The following HOXB3 variants were observed in gnomAD, a reference collection of about 807,000 sequenced individuals.
The protein encoded by HOXB3 is homeobox B3, also known as homeobox protein Hox-B3.
A neutral mutation model predicts 29.2 loss-of-function variants in HOXB3; 17 were observed. The ratio of observed to expected loss-of-function variants is 0.58; its 90% confidence interval spans 0.40 to 0.87. The LOEUF (loss-of-function observed/expected upper bound fraction) is 0.87, where lower values mean the gene tolerates loss of function less well. Ranked by LOEUF, HOXB3 falls within the 40% of genes least tolerant of loss-of-function variation. HOXB3 has a pLI of 0.00. For synonymous variants in HOXB3, 317 were observed against 285.9 expected (o/e 1.11, Z -1.10); for missense variants, 637 against 616.3 (o/e 1.03, Z -0.35).
intron 2 of HOXB3, among the ~76,000 whole-genome samples, chr17:48,567,543 C>CTCT (rs1198225964): frequency 2.6e-5 from 4 of 152,150 alleles, no homozygotes; most frequent in African/African-American, 7.2e-5. Flanking sequence ...TGCTCTTGAC[C>CTCT]AGCAGCCTCT....
chr17:48,575,152 C>T (rs996699333), intron 1 of HOXB3: 12 of 152,226 alleles, frequency 7.9e-5, no homozygotes, highest in African/African-American at 2.2e-4. Flanking sequence ...ATTTTATTTG[C>T]TTATGACAAA....
At chr17:48,553,235 C>T (rs1340756429) in intron 3 of HOXB3, 1 of 152,410 alleles carries the variant, frequency 6.6e-6, no homozygotes, top group Admixed American at 6.5e-5. Context: ...TAGAAACTTC[C>T]TGATGATTTT....
intron 3 of HOXB3, 162 bp downstream of exon 3, chr17:48,555,351 AGAGAGAGAGAGAGGGAGG>A (rs1301307667): frequency 2.9e-5 from 14 of 488,146 alleles, no homozygotes; most frequent in African/African-American, 1.1e-4. Context: ...AGAGAGAGAG[AGAGAGAGAGAGAGGGAGG>A]GAGGGAGGGA....
chr17:48,574,031 A>C lies in HOXB3; in HGVS notation c.-424-17T>G. The C allele has an allele frequency of 3.3e-6, 2 of 612,386 alleles. No homozygotes were observed. Among genetic ancestry groups the C allele is most frequent in the East Asian group, 2.8e-5 (1 of 36,112 alleles). 37.9% of individuals were successfully genotyped at this position (612,386 alleles called of 1,614,324 possible). A position where few individuals can be genotyped will look rare whatever the true frequency, so the allele number is the denominator to read the frequency against. Reference sequence around the variant, plus strand: ...GGAGATTTGCTGTTGAATAATAACAAAGGAGAGAGGATACGTATTTAAAGA... The same window carrying C: ...GGAGATTTGCTGTTGAATAATAACACAGGAGAGAGGATACGTATTTAAAGA... On this transcript the variant is annotated splice_polypyrimidine_tract_variant and intron_variant, in intron 1 of 4. Transcript: ENST00000498678.
chr17:48,564,521 A>G (rs1386799922), intron 2 of HOXB3, among the ~76,000 whole-genome samples: 1 of 152,108 alleles, frequency 6.6e-6, no homozygotes, highest in Non-Finnish European at 1.5e-5. Flanking sequence ...CAGTTTCCTG[A>G]GAAGCTCCCA....
intron 4 of HOXB3, 67 bp downstream of exon 4, chr17:48,551,960 G>A: frequency 2.7e-6 from 4 of 1,458,244 alleles, no homozygotes; most frequent in Middle Eastern, 1.8e-4. Context: ...GGGGCTGGGT[G>A]CTAGAATAAC....
In HOXB3 at chr17:48,550,459, G is replaced by A; in HGVS notation, c.1171C>T (p.Pro391Ser). The change falls in exon 5 of 5, where the codon CCT (proline) becomes TCT (serine). Residue 391 changes from proline to serine, a missense_variant. Physicochemically the swap from Pro to Ser is moderately conservative, Grantham distance 74. Transcript: ENST00000498678. ...CCGTGGTGCTGGCTGGGCGCCATAG[G>A]GGGCGCCCCGTTGTAGTCCAGGTTC... ...SGNLDYNGAP[P>S]MAPSQHHGPC... 3.7e-6 allele frequency: 6 copies of A among 1,612,872 alleles called. No individual in the cohort carries two copies. The highest frequency in any genetic ancestry group is 5.1e-6 in the Non-Finnish European group (6 of 1,179,770).
At chr17:48,578,616 C>G (rs944133532) in intron 1 of HOXB3, 2 of 366,144 alleles carry the variant, frequency 5.5e-6, no homozygotes, top group Non-Finnish European at 9.9e-6. Flanking sequence ...TTGCCTCGCT[C>G]TCTCCGGGAT....
chr17:48,578,567 C>T, intron 1 of HOXB3: 2 of 460,270 alleles, frequency 4.3e-6, no homozygotes, highest in Non-Finnish European at 7.6e-6. Flanking sequence ...CCACCCAACA[C>T]CAGGATTTAC....
At chr17:48,578,468 G>T in intron 1 of HOXB3, 1 of 990,050 alleles carries the variant, frequency 1.0e-6, no homozygotes, top group Non-Finnish European at 1.4e-6. Context: ...CCCCGCCTGC[G>T]ATTCCCGGAT....
At chr17:48,562,772 T>A (rs2069243238) in intron 2 of HOXB3, among the ~76,000 whole-genome samples, 1 of 152,194 alleles carries the variant, frequency 6.6e-6, no homozygotes, top group Non-Finnish European at 1.5e-5. Flanking sequence ...AAGATAATTC[T>A]GCGGCTGAGA....
At chr17:48,565,078 A>G (rs1375607974) in intron 2 of HOXB3, among the ~76,000 whole-genome samples, 1 of 152,090 alleles carries the variant, frequency 6.6e-6, no homozygotes, top group African/African-American at 2.4e-5. Flanking sequence ...AAGATCAACA[A>G]CTTCCCCAGG....
chr17:48,572,274 A>C (rs2069610136), intron 2 of HOXB3, among the ~76,000 whole-genome samples: 1 of 152,126 alleles, frequency 6.6e-6, no homozygotes, highest in Admixed American at 6.5e-5. Flanking sequence ...GGCTTTTTTC[A>C]TTATTGAGGA....
intron 2 of HOXB3, among the ~76,000 whole-genome samples, chr17:48,571,293 A>G (rs145348669): frequency 1.3e-5 from 2 of 152,298 alleles, no homozygotes; most frequent in East Asian, 1.9e-4. Context: ...TCCGTTTTCC[A>G]ACCAGACCCC....
intron 2 of HOXB3, among the ~76,000 whole-genome samples, chr17:48,570,204 T>A (rs958061264): frequency 2.6e-5 from 4 of 152,218 alleles, no homozygotes; most frequent in African/African-American, 9.7e-5. Flanking sequence ...GGGATGGCTA[T>A]GCCTGTTAAA....
At chr17:48,558,039 C>T (rs2069056883) in intron 2 of HOXB3, among the ~76,000 whole-genome samples, 1 of 151,376 alleles carries the variant, frequency 6.6e-6, no homozygotes. Context: ...TTCTATCACT[C>T]CCCCAAATAA....
chr17:48,580,944 G>GA (rs2069921175), intron 1 of HOXB3: 1 of 152,186 alleles, frequency 6.6e-6, no homozygotes, highest in African/African-American at 2.4e-5. Flanking sequence ...AGGGAACTGA[G>GA]ACTGTGAAAG....
At chr17:48,576,203 T>A in intron 1 of HOXB3, 1 of 153,176 alleles carries the variant, frequency 6.5e-6, no homozygotes. Context: ...AGAAAGGAAA[T>A]CCAGGCTGTC....
chr17:48,555,718 G>C, intron 2 of HOXB3, 100 bp from the exon 3 acceptor site: 1 of 673,946 alleles, frequency 1.5e-6, no homozygotes. Context: ...GAGCCCGAGG[G>C]GCAGACCGGC....
Sources: allele counts gnomAD v4.1 joint callset (sites outside exome capture counted in the v4.1 genomes callset), GRCh38; gene constraint gnomAD v4.1.1; transcripts MANE v1.5; gene names NCBI Gene and HGNC (gene_info 2026-07-23, HGNC 2026-07-21).